ASTN2: variants seen among roughly 807,000 people sequenced by gnomAD.
ASTN2 encodes the protein astrotactin 2.
In ASTN2, 54 loss-of-function variants were observed where a neutral mutation model predicts 139.8. The observed-to-expected ratio is 0.39, with a 90% CI of 0.31 to 0.48. ASTN2 has a LOEUF of 0.48. ASTN2 is among the 20% of genes least tolerant of loss of function. The pLI is 0.95. For missense variants in ASTN2, 1,565 were observed against 1,725.1 expected, an observed-to-expected ratio of 0.91 and a Z score of 1.64; for synonymous variants, 756 against 719.5, an observed-to-expected ratio of 1.05 and a Z score of -0.81.
At chr9:117,385,012 G>C (rs998631648) in intron 1 of ASTN2, among the ~76,000 whole-genome samples, 8 of 152,134 alleles carry the variant, frequency 5.3e-5, no homozygotes, top group Non-Finnish European at 1.2e-4. Context: ...CCATAGTTCA[G>C]TTCCAGTGTA....
chr9:116,425,021 A>G lies in ASTN2; in HGVS notation c.*830T>C, dbSNP rs1847267314. 6.6e-6 allele frequency among the ~76,000 whole-genome samples: 1 copy of G among 151,918 alleles called. No homozygotes were observed. Among genetic ancestry groups the G allele is most frequent in the African/African-American group, 2.4e-5 (1 of 41,298 alleles). On this transcript the variant is annotated 3_prime_UTR_variant, in exon 23 of 23. Coordinates refer to ENST00000313400, the MANE Select transcript of ASTN2 (RefSeq NM_001365068.1). ...CATGCTCTAACAGTGAGTGCAAAGA[A>G]CCTCCATTCTTCCTCTAGCACAGCT...
chr9:116,522,460 G>A (rs768742943), intron 19 of ASTN2, among the ~76,000 whole-genome samples: 5 of 152,106 alleles, frequency 3.3e-5, no homozygotes, highest in Non-Finnish European at 5.9e-5. Flanking sequence ...TGGGAGCTAA[G>A]CTATGAGGTT....
chr9:117,275,883 C>A (rs1378690976), intron 2 of ASTN2, among the ~76,000 whole-genome samples: 1 of 152,110 alleles, frequency 6.6e-6, no homozygotes, highest in East Asian at 1.9e-4. Flanking sequence ...TAGGAGCTCA[C>A]TCTTATAACC....
chr9:117,233,497 T>A (rs1239870732), intron 2 of ASTN2, among the ~76,000 whole-genome samples: 1 of 152,164 alleles, frequency 6.6e-6, no homozygotes, highest in Admixed American at 6.5e-5. Flanking sequence ...TATCTATGTA[T>A]AAGCATATGT....
rs1323371796 is a variant in ASTN2 at position 116,998,930 on chromosome 9, T to A, written c.1591+9162A>T. Among the ~76,000 whole-genome samples, 4 of 152,320 alleles carry A rather than the reference T, an allele frequency of 2.6e-5. No homozygotes were observed. In the East Asian group the frequency reaches 7.7e-4, roughly 29 times the overall value. On this transcript the variant is annotated intron_variant, in intron 7 of 22. Coordinates refer to ENST00000313400, the MANE Select transcript of ASTN2 (RefSeq NM_001365068.1). ...AATCCTGTATCCCTTTAAACTTTAG[T>A]AACACAGAGCTCAGCAAATACTAGA...
chr9:117,121,175 T>C (rs1258213058), intron 4 of ASTN2, among the ~76,000 whole-genome samples: 2 of 152,268 alleles, frequency 1.3e-5, no homozygotes, highest in Non-Finnish European at 2.9e-5. Flanking sequence ...TGTCGTTACA[T>C]AATCTGAAGA....
chr9:117,406,825 T>C (rs2130972160), intron 1 of ASTN2, among the ~76,000 whole-genome samples: 1 of 151,436 alleles, frequency 6.6e-6, no homozygotes, highest in South Asian at 2.1e-4. Flanking sequence ...ACATAACTTA[T>C]TTACTTATTA....
At chr9:116,779,976 A>T (rs1468600341) in intron 13 of ASTN2, among the ~76,000 whole-genome samples, 1 of 152,186 alleles carries the variant, frequency 6.6e-6, no homozygotes, top group African/African-American at 2.4e-5. Flanking sequence ...TTTATGTATC[A>T]ATCTGCTGAG....
chr9:116,591,825 T>C (rs1188135886), intron 19 of ASTN2, among the ~76,000 whole-genome samples: 1 of 152,216 alleles, frequency 6.6e-6, no homozygotes, highest in Non-Finnish European at 1.5e-5. Context: ...TATATGGCTG[T>C]GTTCACTTCC....
intron 4 of ASTN2, among the ~76,000 whole-genome samples, chr9:117,138,341 G>A (rs1312994256): frequency 6.6e-6 from 1 of 152,092 alleles, no homozygotes; most frequent in African/African-American, 2.4e-5. Context: ...GAGAGCAGCT[G>A]GGGGAAAGAA....
At chr9:116,564,021 G>C (rs1853058294) in intron 19 of ASTN2, among the ~76,000 whole-genome samples, 1 of 152,190 alleles carries the variant, frequency 6.6e-6, no homozygotes, top group Non-Finnish European at 1.5e-5. Flanking sequence ...TCTTTGCAAA[G>C]CACATGGATT....
intron 1 of ASTN2, among the ~76,000 whole-genome samples, chr9:117,380,408 C>T (rs1830235033): frequency 6.6e-6 from 1 of 151,870 alleles, no homozygotes; most frequent in Non-Finnish European, 1.5e-5. Context: ...AGATCAAGAC[C>T]ATCCTGGCCG....
At chr9:117,400,500 G>A (rs1830798453) in intron 1 of ASTN2, among the ~76,000 whole-genome samples, 2 of 152,170 alleles carry the variant, frequency 1.3e-5, no homozygotes, top group African/African-American at 2.4e-5. Flanking sequence ...AGGGACAGTA[G>A]GAACCCTGCC....
chr9:116,909,773 A>G (rs1213537326), intron 10 of ASTN2, among the ~76,000 whole-genome samples: 1 of 152,210 alleles, frequency 6.6e-6, no homozygotes. Context: ...CAAATTAAAA[A>G]CAAACAAACA....
chr9:117,045,719 T>A (rs1172241113), intron 5 of ASTN2, among the ~76,000 whole-genome samples: 3 of 152,114 alleles, frequency 2.0e-5, no homozygotes, highest in African/African-American at 7.2e-5. Context: ...AAAAAATAGA[T>A]CTAACCCCAT....
intron 12 of ASTN2, among the ~76,000 whole-genome samples, chr9:116,811,907 C>A (rs924320514): frequency 6.6e-6 from 1 of 152,096 alleles, no homozygotes; most frequent in South Asian, 2.1e-4. Context: ...GACATAGTTG[C>A]CATTCTTTGA....
At chr9:116,569,975 T>C (rs1386442811) in intron 19 of ASTN2, among the ~76,000 whole-genome samples, 1 of 152,210 alleles carries the variant, frequency 6.6e-6, no homozygotes, top group Non-Finnish European at 1.5e-5. Context: ...CCTGCTTCTG[T>C]TGGCTCTTGC....
intron 1 of ASTN2, among the ~76,000 whole-genome samples, chr9:117,358,261 GACACAC>G (rs67475291): frequency 0.24 from 35,426 of 146,736 alleles, 4,572 homozygotes; most frequent in East Asian, 0.38. Flanking sequence ...TACATGTGCA[GACACAC>G]ACACACACAC....
At chr9:116,468,087 T>C (rs917846399) in intron 20 of ASTN2, among the ~76,000 whole-genome samples, 9 of 152,190 alleles carry the variant, frequency 5.9e-5, no homozygotes, top group African/African-American at 2.2e-4. Flanking sequence ...CATGAAGCCG[T>C]GAATGACACT....
Sources: allele counts gnomAD v4.1 joint callset (sites outside exome capture counted in the v4.1 genomes callset), GRCh38; gene constraint gnomAD v4.1.1; transcripts MANE v1.5; gene names NCBI Gene and HGNC (gene_info 2026-07-23, HGNC 2026-07-21).